NTN1: variants seen among roughly 807,000 people sequenced by gnomAD.
The protein encoded by NTN1 is netrin 1.
NTN1 carries 11 observed loss-of-function variants against 54.2 expected under a neutral mutation model. The observed-to-expected ratio is 0.20, with a 90% CI of 0.13 to 0.34. NTN1 has a LOEUF of 0.34. NTN1 is among the 10% of genes least tolerant of loss of function. NTN1 has a pLI of 1.00. For synonymous variants in NTN1, 371 were observed against 382.0 expected (o/e 0.97, Z 0.33); for missense variants, 740 against 893.1 (o/e 0.83, Z 2.18).
chr17:9,043,101 T>C (rs2091927977), intron 2 of NTN1, among the ~76,000 whole-genome samples: 1 of 152,236 alleles, frequency 6.6e-6, no homozygotes, highest in African/African-American at 2.4e-5. Context: ...AAAAATCATT[T>C]ACCCAGATTT....
chr17:9,114,213 T>G (rs1209159024), intron 2 of NTN1, among the ~76,000 whole-genome samples: 1 of 142,790 alleles, frequency 7.0e-6, no homozygotes, highest in Non-Finnish European at 1.5e-5. Context: ...TATTGTGTAT[T>G]ATTTATTGAC....
intron 5 of NTN1, among the ~76,000 whole-genome samples, chr17:9,209,882 T>C (rs1905055861): frequency 6.6e-6 from 1 of 151,516 alleles, no homozygotes; most frequent in Admixed American, 6.6e-5. Context: ...TGGTACGGAG[T>C]GGAGAGCACG....
chr17:9,189,702 A>G (rs1450012291), intron 5 of NTN1, among the ~76,000 whole-genome samples: 2 of 152,140 alleles, frequency 1.3e-5, no homozygotes, highest in African/African-American at 4.8e-5. Context: ...AATCCTATGT[A>G]GTAACATCCT....
chr17:9,170,019 T>C (rs746635204), intron 3 of NTN1, among the ~76,000 whole-genome samples: 14 of 152,150 alleles, frequency 9.2e-5, no homozygotes, highest in Non-Finnish European at 1.8e-4. Flanking sequence ...AATAGTGTCT[T>C]TTGGGCTTTT....
intron 2 of NTN1, among the ~76,000 whole-genome samples, chr17:9,085,569 A>G (rs2092087454): frequency 6.6e-6 from 1 of 152,330 alleles, no homozygotes; most frequent in African/African-American, 2.4e-5. Flanking sequence ...ACTGTGCCTC[A>G]GTTCTTGCAT....
Position 9,033,039 on chromosome 17 carries a change from T to C in NTN1, c.1018+9648T>C, listed in dbSNP as rs560700847. On this transcript the variant is annotated intron_variant, in intron 2 of 6. Coordinates refer to ENST00000173229, the MANE Select transcript of NTN1 (RefSeq NM_004822.3). ...CACCGTGTCAGCTCACTGCAACCTC[T>C]GTTTCCTGGGTTCAAGTGATTCTTC... Among the ~76,000 whole-genome samples the C allele has an allele frequency of 2.0e-5, 3 of 151,256 alleles. No individual in the cohort carries two copies. In the East Asian group the frequency reaches 5.8e-4, roughly 29 times the overall value.
intron 2 of NTN1, among the ~76,000 whole-genome samples, chr17:9,087,367 A>T (rs1032476136): frequency 1.3e-5 from 2 of 152,088 alleles, no homozygotes; most frequent in African/African-American, 4.8e-5. Context: ...GAGGTGAGAG[A>T]TGAAGCTTGA....
Position 9,239,486 on chromosome 17 carries a change from G to A in NTN1, c.1487-154G>A, listed in dbSNP as rs1023550023. ...CTGTTGTTAGCAGGTGGGGGTCTAC[G>A]ATCAGCTTGCCACCACCCACGCGCT... On this transcript the variant is annotated intron_variant, in intron 6 of 6. Transcript: ENST00000173229. This position sits in a 1 kb window ranked among gnomAD's most constrained non-coding sequence, Gnocchi z 5.2. Among the ~76,000 whole-genome samples, 1 of 152,168 alleles carries A rather than the reference G, an allele frequency of 6.6e-6. No homozygotes were observed. Among genetic ancestry groups the A allele is most frequent in the Non-Finnish European group, 1.5e-5 (1 of 68,030 alleles).
At chr17:9,177,334 T>C (rs2092402830) in intron 3 of NTN1, 1 of 152,146 alleles carries the variant, frequency 6.6e-6, no homozygotes, top group Non-Finnish European at 1.5e-5. Flanking sequence ...GGGAGAACAA[T>C]GCACCATCCT....
chr17:9,088,818 A>G (rs2092098667), intron 2 of NTN1, among the ~76,000 whole-genome samples: 1 of 152,168 alleles, frequency 6.6e-6, no homozygotes, highest in Admixed American at 6.5e-5. Flanking sequence ...TTCCAGTATC[A>G]AGAGTCTGAA....
chr17:9,215,051 T>A (rs1905185998), intron 5 of NTN1, among the ~76,000 whole-genome samples: 1 of 152,164 alleles, frequency 6.6e-6, no homozygotes, highest in African/African-American at 2.4e-5. Flanking sequence ...AGTTCTGTGA[T>A]TATCTTTGGG....
chr17:9,180,586 C>T (rs1332818633), intron 4 of NTN1, among the ~76,000 whole-genome samples: 1 of 152,196 alleles, frequency 6.6e-6, no homozygotes. Context: ...TCTGGGTGGG[C>T]CCATTCCAGG....
chr17:9,057,480 G>A (rs1396660541), intron 2 of NTN1, among the ~76,000 whole-genome samples: 1 of 152,078 alleles, frequency 6.6e-6, no homozygotes, highest in Non-Finnish European at 1.5e-5. Flanking sequence ...CTTTCCAGGG[G>A]CAGTTGTGTG....
At chr17:9,129,628 C>T (rs1028415674) in intron 2 of NTN1, among the ~76,000 whole-genome samples, 3 of 152,186 alleles carry the variant, frequency 2.0e-5, no homozygotes, top group South Asian at 2.1e-4. Flanking sequence ...CGTCTGCCTC[C>T]CCTGAATCTC....
At chr17:9,080,258 C>G (rs1398339024) in intron 2 of NTN1, among the ~76,000 whole-genome samples, 1 of 152,240 alleles carries the variant, frequency 6.6e-6, no homozygotes, top group East Asian at 1.9e-4. Flanking sequence ...ATGGACCTCT[C>G]TATCCCCTCT....
intron 5 of NTN1, among the ~76,000 whole-genome samples, chr17:9,186,928 G>A (rs2092435212): frequency 6.6e-6 from 1 of 152,086 alleles, no homozygotes; most frequent in South Asian, 2.1e-4. Context: ...AGGGGTTGTG[G>A]GGAGGGAGAA....
chr17:9,031,120 G>A (rs1228250076), intron 2 of NTN1, among the ~76,000 whole-genome samples: 1 of 152,178 alleles, frequency 6.6e-6, no homozygotes, highest in Non-Finnish European at 1.5e-5. Context: ...ACATCCCAGA[G>A]ACTCCACACT....
chr17:9,209,823 G>A (rs1313883039), intron 5 of NTN1, among the ~76,000 whole-genome samples: 1 of 152,182 alleles, frequency 6.6e-6, no homozygotes, highest in Non-Finnish European at 1.5e-5. Context: ...TCAGGCAGCA[G>A]AATGACAGTC....
chr17:9,144,029 A>G (rs2092306089), intron 2 of NTN1, among the ~76,000 whole-genome samples: 1 of 151,760 alleles, frequency 6.6e-6, no homozygotes, highest in Admixed American at 6.6e-5. Context: ...CTGAGTAGCT[A>G]GAATTACAGG....
Sources: gnomAD v4.1 joint callset for allele counts (sites outside exome capture counted in the v4.1 genomes callset) on GRCh38, gnomAD v4.1.1 for gene constraint, Gnocchi (gnomAD v3.1) non-coding constraint, MANE v1.5 for transcripts, NCBI Gene and HGNC (gene_info 2026-07-23, HGNC 2026-07-21) for gene names.